Variants in EPB41 observed in about 807,000 individuals in gnomAD.
EPB41 encodes protein 4.1.
Under a neutral mutation model 108.0 loss-of-function variants are expected in EPB41, and 65 were observed. The ratio of observed to expected loss-of-function variants is 0.60; its 90% CI spans 0.49 to 0.74. EPB41 has a LOEUF of 0.74. Among genes scored for constraint, EPB41 ranks in the 30% least tolerant of loss-of-function variants. The pLI is 0.00. For synonymous variants in EPB41, 336 were observed against 358.9 expected (o/e 0.94, Z 0.72); for missense variants, 875 against 1,037.0 (o/e 0.84, Z 2.15).
At chr1:28,910,751 T>G (rs1317510698), upstream of EPB41, among the ~76,000 whole-genome samples, 2 of 152,174 alleles carry the variant, frequency 1.3e-5, no homozygotes, top group African/African-American at 4.8e-5. Flanking sequence ...ACTGTCTTTT[T>G]TTTTCTTTTT....
intron 1 of EPB41, among the ~76,000 whole-genome samples, chr1:28,890,339 A>T (rs559914480): frequency 6.6e-6 from 1 of 152,106 alleles, no homozygotes; most frequent in African/African-American, 2.4e-5. Context: ...TGCCTGGCTG[A>T]TTCTGATATT....
chr1:29,099,661 A>G (rs1265482412), intron 17 of EPB41, among the ~76,000 whole-genome samples: 1 of 152,164 alleles, frequency 6.6e-6, no homozygotes, highest in Non-Finnish European at 1.5e-5. Context: ...GTTTCAATGG[A>G]CTAGAATTGA....
chr1:29,085,419 A>G (rs1658434844), intron 16 of EPB41, among the ~76,000 whole-genome samples: 1 of 152,132 alleles, frequency 6.6e-6, no homozygotes, highest in Non-Finnish European at 1.5e-5. Context: ...TGCTAGGATT[A>G]CAGGCGTGAG....
intron 11 of EPB41, among the ~76,000 whole-genome samples, chr1:29,047,018 T>C (rs1484730012): frequency 6.6e-6 from 1 of 152,136 alleles, no homozygotes; most frequent in Non-Finnish European, 1.5e-5. Flanking sequence ...TAAAATAAAT[T>C]GAGAAGAATT....
chr1:29,055,566 G>C lies in EPB41; in HGVS notation c.1845+2254G>C, dbSNP rs532042841. ...ATTCGAGATACTTGTGTTGAAATGA[G>C]ACTGAAGGCCACCTCTGATAACTTA... On this transcript the variant is annotated intron_variant, in intron 12 of 20. Coordinates refer to ENST00000343067, the MANE Select transcript of EPB41 (RefSeq NM_001376013.1). 3.9e-5 allele frequency among the ~76,000 whole-genome samples: 6 copies of C among 151,954 alleles called. No homozygotes were observed. In the East Asian group the frequency reaches 1.2e-3, roughly 30 times the overall value.
chr1:29,011,957 A>G lies in EPB41; in HGVS notation c.829+50A>G, dbSNP rs141202083. ...AGTTCTTTCTTTCTTTTAGTAGGTC[A>G]GAGGATTTCCAACCATTTCTGGCTG... On this transcript the variant is annotated intron_variant, in intron 5 of 20. Transcript: ENST00000343067. The G allele has an allele frequency of 3.0e-5, 48 of 1,599,780 alleles. No individual in the cohort carries two copies. In the East Asian group the frequency reaches 1.0e-3, roughly 34 times the overall value.
In EPB41 at chr1:29,104,441, G is replaced by C. The variant is rs147132558; in HGVS notation, c.2314-4895G>C. On this transcript the variant is annotated intron_variant, in intron 17 of 20. Coordinates refer to ENST00000343067, the MANE Select transcript of EPB41 (RefSeq NM_001376013.1). ...ACATACAGTGAAATGCACAGACAGG[G>C]TCTCGCACTGTTGCCCAGGCTGGAG... 4.5e-3 allele frequency among the ~76,000 whole-genome samples: 681 copies of C among 152,236 alleles called. 4 individuals carry two copies. The highest frequency in any genetic ancestry group is 0.016 in the African/African-American group (644 of 41,540).
Position 28,887,707 on chromosome 1 carries a change from C to T in EPB41, c.-8+497C>T, listed in dbSNP as rs919237717. The stretch of plus-strand genomic sequence containing the variant: ...CCCGCTCCGGCCCTTACGTAACTGA[C>T]TTTGAGTTTCCGGACCCAGGAACCG... On this transcript the variant is annotated intron_variant, in intron 1 of 16. Transcript: ENST00000347529. This position sits in a 1 kb window ranked among gnomAD's most constrained non-coding sequence, Gnocchi z 4.9. The T allele has an allele frequency of 2.0e-6, 2 of 985,014 alleles. No individual in the cohort carries two copies. The highest frequency in any genetic ancestry group is 2.4e-6 in the Non-Finnish European group (2 of 829,586). 61.0% of individuals were successfully genotyped at this position (985,014 alleles called of 1,614,324 possible).
At chr1:29,105,743 CTTTTTTTTT>C (rs63685960) in intron 17 of EPB41, among the ~76,000 whole-genome samples, 2 of 91,082 alleles carry the variant, frequency 2.2e-5, no homozygotes, top group African/African-American at 4.3e-5. Flanking sequence ...ATGTACAGAT[CTTTTTTTTT>C]TTTTTTTTTT....
chr1:29,096,563 C>G, intron 16 of EPB41: 1 of 985,758 alleles, frequency 1.0e-6, no homozygotes, highest in Non-Finnish European at 1.2e-6. Context: ...TCTTGACTTT[C>G]ATGTGGGTAA....
At chr1:29,049,044 T>G (rs1404479372) in intron 11 of EPB41, among the ~76,000 whole-genome samples, 2 of 152,156 alleles carry the variant, frequency 1.3e-5, no homozygotes, top group Non-Finnish European at 2.9e-5. Flanking sequence ...AGGGAAACTT[T>G]TACAAGAATT....
In EPB41 at chr1:29,011,899, A is replaced by G; in HGVS notation, c.821A>G (p.Gln274Arg). 2 of 1,614,106 alleles carry G rather than the reference A, an allele frequency of 1.2e-6. No homozygotes were observed. Among genetic ancestry groups the G allele is most frequent in the Non-Finnish European group, 1.7e-6 (2 of 1,179,964 alleles). The change falls in exon 5 of 21, where the codon CAG becomes CGG. Residue 274 changes from glutamine (Q) to arginine (R), a missense_variant. By Grantham distance (43) the Gln-to-Arg change is conservative (BLOSUM62 1). This residue lies in a region of EPB41 where 353 missense variants were observed against 393.2 expected (regional missense o/e 0.90). Transcript: ENST00000343067. ...GATTCCGCCAAAGAAATAAAAAAGC[A>G]GGTTCGTGGTAAGTGGATATAGCTC... ...WLDSAKEIKK[Q>R]VRGVPWNFTF...
intron 1 of EPB41, among the ~76,000 whole-genome samples, chr1:28,978,080 C>CTAG (rs943635054): frequency 7.3e-5 from 11 of 150,772 alleles, no homozygotes; most frequent in African/African-American, 2.5e-4. Context: ...TGATTGTTTT[C>CTAG]TAGCATTTAA....
chr1:29,064,095 T>G (rs1037511494), intron 15 of EPB41, among the ~76,000 whole-genome samples: 2 of 152,158 alleles, frequency 1.3e-5, no homozygotes, highest in African/African-American at 4.8e-5. Context: ...AAAAAAAATT[T>G]AATCTGCTGG....
intron 1 of EPB41, among the ~76,000 whole-genome samples, chr1:28,986,085 G>GT (rs1191848833): frequency 6.7e-6 from 1 of 149,024 alleles, no homozygotes; most frequent in African/African-American, 2.5e-5. Flanking sequence ...GCGGTGTTTG[G>GT]TTTTTTGTTC....
At chr1:29,043,762 G>A (rs907225575) in intron 11 of EPB41, among the ~76,000 whole-genome samples, 5 of 152,158 alleles carry the variant, frequency 3.3e-5, no homozygotes, top group Admixed American at 2.0e-4. Context: ...TTAAAAGATC[G>A]CTGACAGCTG....
intron 1 of EPB41, among the ~76,000 whole-genome samples, chr1:28,943,963 A>G (rs1176249640): frequency 6.6e-6 from 1 of 152,240 alleles, no homozygotes; most frequent in East Asian, 1.9e-4. Context: ...AAGCAGCCTA[A>G]GTGTCCATCA....
chr1:28,968,312 A>AC (rs1402408731), intron 1 of EPB41, among the ~76,000 whole-genome samples: 4 of 151,938 alleles, frequency 2.6e-5, no homozygotes, highest in African/African-American at 4.8e-5. Context: ...CCGAGATCAC[A>AC]CCACTGCACT....
At chr1:28,958,016 T>C (rs2095031634) in intron 1 of EPB41, among the ~76,000 whole-genome samples, 1 of 152,138 alleles carries the variant, frequency 6.6e-6, no homozygotes, top group Non-Finnish European at 1.5e-5. Context: ...AGTCTTGCTA[T>C]GTTAACCAGG....
Sources: allele counts gnomAD v4.1 joint callset (sites outside exome capture counted in the v4.1 genomes callset), GRCh38; gene constraint gnomAD v4.1.1; regional missense constraint gnomAD v4.1.1; non-coding constraint Gnocchi (gnomAD v3.1); transcripts MANE v1.5; gene names NCBI Gene and HGNC (gene_info 2026-07-23, HGNC 2026-07-21).